DNAH3: variants seen among roughly 807,000 people sequenced by gnomAD.
DNAH3 encodes the protein dynein axonemal heavy chain 3, also known as axonemal beta dynein heavy chain 3.
DNAH3 carries 332 observed loss-of-function variants against 432.5 expected under a neutral mutation model. The ratio of observed to expected loss-of-function variants is 0.77; its 90% CI spans 0.70 to 0.84. The LOEUF (loss-of-function observed/expected upper bound fraction) is 0.84, where lower values mean the gene tolerates loss of function less well. Ranked by LOEUF, DNAH3 falls within the 40% of genes least tolerant of loss-of-function variation. The probability of loss-of-function intolerance (pLI) is 0.00; values close to 1 mark genes in which losing one functional copy is unlikely to be tolerated. For missense variants in DNAH3, 4,861 were observed against 5,114.0 expected, an observed-to-expected ratio of 0.95 and a Z score of 1.51; for synonymous variants, 1,956 against 1,900.2, an observed-to-expected ratio of 1.03 and a Z score of -0.76.
intron 26 of DNAH3, among the ~76,000 whole-genome samples, chr16:21,059,814 C>A (rs1369944700): frequency 6.6e-6 from 1 of 151,630 alleles, no homozygotes; most frequent in Non-Finnish European, 1.5e-5. Flanking sequence ...TAGAGTCGCT[C>A]AACGTGAATG....
At chr16:21,138,021 G>C (rs1323974114) in intron 5 of DNAH3, among the ~76,000 whole-genome samples, 1 of 152,034 alleles carries the variant, frequency 6.6e-6, no homozygotes, top group Non-Finnish European at 1.5e-5. Flanking sequence ...GCCAAGGCGG[G>C]TGGATCACCT....
chr16:21,128,667 C>A (rs1335962692), intron 7 of DNAH3, among the ~76,000 whole-genome samples: 1 of 148,256 alleles, frequency 6.7e-6, no homozygotes. Context: ...GCACTCCAGC[C>A]TGGGGGACAG....
chr16:21,106,457 C>T, intron 15 of DNAH3, 33 bp downstream of exon 15: 1 of 1,510,184 alleles, frequency 6.6e-7, no homozygotes, highest in Non-Finnish European at 9.0e-7. Flanking sequence ...TATAGGTATG[C>T]ATTTCGATGG....
chr16:21,071,074 CT>C (rs1371997866), intron 21 of DNAH3, among the ~76,000 whole-genome samples: 1 of 151,686 alleles, frequency 6.6e-6, no homozygotes, highest in Non-Finnish European at 1.5e-5. Flanking sequence ...CAGAGTTTCA[CT>C]CCTGTTGCCC....
chr16:20,976,182 T>A (rs1012389991), intron 50 of DNAH3, among the ~76,000 whole-genome samples: 1 of 151,620 alleles, frequency 6.6e-6, no homozygotes, highest in Non-Finnish European at 1.5e-5. Context: ...CTCTACAAAA[T>A]TTTTTTTTAA....
chr16:21,024,619 G>C (rs1174403761), exon 39 of DNAH3: 1 of 1,612,122 alleles, frequency 6.2e-7, no homozygotes, highest in African/African-American at 1.3e-5. Flanking sequence ...TCCTTGGTGA[G>C]ACTGGAGGGC....
At chr16:21,114,603 CAA>C (rs1183780297) in intron 12 of DNAH3, among the ~76,000 whole-genome samples, 1 of 152,098 alleles carries the variant, frequency 6.6e-6, no homozygotes. Context: ...AGACACTTCT[CAA>C]AAGACATTTA....
intron 1 of DNAH3, chr16:21,159,175 A>T: frequency 1.2e-6 from 1 of 827,096 alleles, no homozygotes; most frequent in Non-Finnish European, 2.1e-6. Context: ...CCTCTTCTCC[A>T]CCGAGGTCCC....
chr16:20,955,183 C>T (rs2084506649), intron 54 of DNAH3, 126 bp from the exon 55 acceptor site: 1 of 827,708 alleles, frequency 1.2e-6, no homozygotes, highest in African/African-American at 1.7e-5. Context: ...AACCCCATCT[C>T]TATGAAAAAC....
intron 1 of DNAH3, among the ~76,000 whole-genome samples, chr16:21,156,162 C>CTTATTTTATTTTATT (rs150133557): frequency 6.2e-5 from 9 of 144,632 alleles, no homozygotes; most frequent in Non-Finnish European, 1.2e-4. Flanking sequence ...GGGAGTTATT[C>CTTATTTTATTTTATT]TTATTTTATT....
At position 21,097,554 on chromosome 16, in the gene DNAH3, G is replaced by A. The variant is rs573202561; in HGVS notation, c.2521-55C>T. On this transcript the variant is annotated intron_variant, in intron 17 of 61. Transcript: ENST00000261383. ...GGATGGGTTGTTCTCCTAAGCCCTC[G>A]AAGACACCAGGGCAAATTCCTCAGT... 1.2e-4 allele frequency: 197 copies of A among 1,601,526 alleles called. 1 individual carries two copies. The highest frequency in any genetic ancestry group is 1.2e-4 in the Admixed American group (7 of 59,872).
At chr16:21,087,523 A>G (rs1276329027) in intron 18 of DNAH3, among the ~76,000 whole-genome samples, 1 of 152,146 alleles carries the variant, frequency 6.6e-6, no homozygotes, top group South Asian at 2.1e-4. Context: ...ATCTCTACAA[A>G]AAATGAGAAG....
At chr16:20,952,262 G>T (rs571174515) in intron 56 of DNAH3, among the ~76,000 whole-genome samples, 171 bp downstream of exon 56, 19 of 151,902 alleles carry the variant, frequency 1.3e-4, no homozygotes, top group African/African-American at 1.7e-4. Flanking sequence ...AATTTTTTTT[G>T]TTTGTTTGTT....
At chr16:21,087,148 TC>T (rs2091404893) in intron 18 of DNAH3, 88 bp from the exon 19 acceptor site, 1 of 1,135,290 alleles carries the variant, frequency 8.8e-7, no homozygotes, top group African/African-American at 1.5e-5. Context: ...GAGCTGTGCC[TC>T]CTGTCGTTTG....
chr16:21,111,371 G>C (rs1293310872), intron 14 of DNAH3, among the ~76,000 whole-genome samples: 1 of 152,168 alleles, frequency 6.6e-6, no homozygotes, highest in African/African-American at 2.4e-5. Context: ...CCTGCAAGAA[G>C]ACAAAAGCTT....
In DNAH3 at chr16:21,075,558, CAATCTA is replaced by C; in HGVS notation, c.2970-3_2972del. 8 of 1,611,820 alleles carry C rather than the reference CAATCTA, an allele frequency of 5.0e-6. No individual in the cohort carries two copies. Among genetic ancestry groups the C allele is most frequent in the Non-Finnish European group, 6.8e-6 (8 of 1,178,124 alleles). On this transcript the variant is annotated splice_acceptor_variant and splice_polypyrimidine_tract_variant and coding_sequence_variant and intron_variant, in exon 21 of 62. Transcript: ENST00000261383. LOFTEE classifies it high-confidence loss of function. The stretch of plus-strand genomic sequence containing the variant: ...TGCTGGCAGCTGCACCAATGGGCTC[CAATCTA>C]AAGAGAGAACACAGCAACAGCAACA...
At chr16:20,987,327 C>G in exon 47 of DNAH3, 2 of 1,614,158 alleles carry the variant, frequency 1.2e-6, no homozygotes, top group East Asian at 4.5e-5. Flanking sequence ...CTGCTTGAAG[C>G]AATTGGAGGT....
chr16:21,127,716 G>A lies in DNAH3; in HGVS notation c.1179C>T (p.Cys393=), dbSNP rs758833176. 6 of 1,613,998 alleles carry A rather than the reference G, an allele frequency of 3.7e-6. No homozygotes were observed. The Admixed American group carries it at 1.0e-4, about 27-fold the overall frequency. The change falls in exon 8 of 62, where the codon TGC becomes TGT. Residue 393 remains cysteine (C), a synonymous_variant. Coordinates refer to ENST00000261383, the Ensembl canonical transcript of DNAH3. ...TGAGAAGAGTCTGGTGTGCCTCCAG[G>A]CAGTGTTTCTGGATCACATCCCAAA...
Position 20,989,450 on chromosome 16 carries a change from CAG to C in DNAH3, c.6602-1387_6602-1386del, listed in dbSNP as rs564092031. On this transcript the variant is annotated intron_variant, in intron 44 of 61. Transcript: ENST00000261383. ...AAGGCCCCACCAGAGCAGCTAGATACAGAGTGTCGATTGGTGCACTCACAAAC... is the reference window on the plus strand; with the variant it reads ...AAGGCCCCACCAGAGCAGCTAGATACAGTGTCGATTGGTGCACTCACAAAC... Among the ~76,000 whole-genome samples, 15 of 152,000 alleles carry C rather than the reference CAG, an allele frequency of 9.9e-5. No individual in the cohort carries two copies. The East Asian group carries it at 1.7e-3, about 18-fold the overall frequency.
Sources: gnomAD v4.1 joint callset for allele counts (sites outside exome capture counted in the v4.1 genomes callset) on GRCh38, gnomAD v4.1.1 for gene constraint, MANE v1.5 for transcripts, NCBI Gene and HGNC (gene_info 2026-07-23, HGNC 2026-07-21) for gene names.